Variants in PABPC4 observed in about 807,000 individuals in gnomAD.
The protein encoded by PABPC4 is poly(A) binding protein cytoplasmic 4.
Under a neutral mutation model 74.5 loss-of-function variants are expected in PABPC4, and 15 were observed. That is an observed-to-expected ratio of 0.20 (90% CI 0.13 to 0.31). The LOEUF (loss-of-function observed/expected upper bound fraction) is 0.31, where lower values mean the gene tolerates loss of function less well. Ranked by LOEUF, PABPC4 falls within the 10% of genes least tolerant of loss-of-function variation. The pLI is 1.00. For synonymous variants in PABPC4, 345 were observed against 303.0 expected (o/e 1.14, Z -1.44); for missense variants, 610 against 853.5 (o/e 0.71, Z 3.55).
intron 2 of PABPC4, chr1:39,571,743 C>T (rs1011293833): frequency 7.7e-6 from 3 of 390,230 alleles, no homozygotes; most frequent in African/African-American, 4.2e-5. Context: ...TGTGGTGGCA[C>T]GTGCCTGTAG....
chr1:39,562,519 G>A, intron 12 of PABPC4, 103 bp from the exon 13 acceptor site: 1 of 809,712 alleles, frequency 1.2e-6, no homozygotes, highest in African/African-American at 1.7e-5. Flanking sequence ...TGTGAAAGAG[G>A]AGAGGAGGTG....
At chr1:39,564,831 G>C in intron 8 of PABPC4, 58 bp from the exon 9 acceptor site, 1 of 1,324,282 alleles carries the variant, frequency 7.6e-7, no homozygotes, top group Non-Finnish European at 1.1e-6. Context: ...TCCTAGAGAA[G>C]TATCTCATCT....
intron 10 of PABPC4, chr1:39,564,192 C>T: frequency 6.3e-6 from 4 of 632,714 alleles, no homozygotes; most frequent in Non-Finnish European, 1.1e-5. Flanking sequence ...ACTTCTACAA[C>T]TAACCTTTTT....
At chr1:39,573,966 A>G (rs2124003308) in intron 1 of PABPC4, among the ~76,000 whole-genome samples, 1 of 152,308 alleles carries the variant, frequency 6.6e-6, no homozygotes, top group East Asian at 1.9e-4. Context: ...TAACGGTGAC[A>G]TCACCCAGAA....
In PABPC4 at chr1:39,575,866, T is replaced by C; in HGVS notation, c.86A>G (p.Glu29Gly). ...CACAGGCCCCGCGGGGCTGAACTTTTCGTACAGCATGGCCTCGGTGACGTC... is the reference window on the plus strand; with the variant it reads ...CACAGGCCCCGCGGGGCTGAACTTTCCGTACAGCATGGCCTCGGTGACGTC... Reference protein sequence around the residue: ...HSDVTEAMLYEKFSPAGPVLS... With the variant: ...HSDVTEAMLYGKFSPAGPVLS... The change falls in exon 1 of 16, where the codon GAA (glutamate) becomes GGA (glycine). Residue 29 changes from glutamate to glycine, a missense_variant. Physicochemically the swap from Glu to Gly is moderately conservative, Grantham distance 98. Around this residue, in one of 4 missense-constraint regions of PABPC4, gnomAD observed 304 missense variants for 478.9 expected, o/e 0.63. Coordinates refer to ENST00000372858, the MANE Select transcript of PABPC4 (RefSeq NM_001135653.2). The C allele has an allele frequency of 1.2e-6, 2 of 1,612,312 alleles. No individual in the cohort carries two copies. Among genetic ancestry groups the C allele is most frequent in the Non-Finnish European group, 1.7e-6 (2 of 1,179,520 alleles).
At chr1:39,563,592 C>A in intron 12 of PABPC4, 22 bp downstream of exon 12, 1 of 1,603,274 alleles carries the variant, frequency 6.2e-7, no homozygotes, top group Non-Finnish European at 8.5e-7. Flanking sequence ...TCCTTTTAAG[C>A]ATTCTGTCTG....
intron 14 of PABPC4, 53 bp from the exon 15 acceptor site, chr1:39,561,840 C>A (rs1645773964): frequency 7.4e-6 from 11 of 1,484,390 alleles, no homozygotes; most frequent in Non-Finnish European, 1.0e-5. Flanking sequence ...CTCCACCCCT[C>A]CCCAGTGCCC....
intron 5 of PABPC4, 166 bp downstream of exon 5, chr1:39,569,429 T>C: frequency 1.6e-6 from 1 of 620,932 alleles, no homozygotes. Flanking sequence ...AACACCTACA[T>C]GAAGTTAACA....
intron 3 of PABPC4, chr1:39,570,392 C>A (rs768852109): frequency 5.5e-5 from 10 of 181,076 alleles, no homozygotes; most frequent in Non-Finnish European, 1.0e-4. Context: ...TGAAGGGGCA[C>A]CCTTTGCTTT....
intron 1 of PABPC4, 150 bp downstream of exon 1, chr1:39,575,609 G>T: frequency 1.7e-6 from 1 of 584,412 alleles, no homozygotes; most frequent in Non-Finnish European, 2.9e-6. Context: ...CTGATGCCAG[G>T]TCCGCGTTCT....
chr1:39,576,046 C>T lies in PABPC4; in HGVS notation c.-95G>A. Reference sequence around the variant, plus strand: ...GCGCCTTCGGAGCCCGGGCCCGCGCCGCGGCTCACAGGTGGCACCGGCGCG... The same window carrying T: ...GCGCCTTCGGAGCCCGGGCCCGCGCTGCGGCTCACAGGTGGCACCGGCGCG... On this transcript the variant is annotated 5_prime_UTR_variant, in exon 1 of 16. Transcript: ENST00000372858. The T allele has an allele frequency of 2.3e-6, 2 of 887,322 alleles. No homozygotes were observed. The highest frequency in any genetic ancestry group is 2.0e-5 in the South Asian group (1 of 50,004). The allele number at this position is 887,322 out of a possible 1,614,324, so 55.0% of individuals were successfully genotyped here.
intron 9 of PABPC4, 26 bp from the exon 10 acceptor site, chr1:39,564,568 A>G (rs1244459744): frequency 6.2e-7 from 1 of 1,613,692 alleles, no homozygotes; most frequent in African/African-American, 1.3e-5. Flanking sequence ...ATTGCACATC[A>G]TTGAGAAGTG....
Position 39,568,897 on chromosome 1 carries a change from T to G in PABPC4, c.781A>C (p.Ile261Leu). The change falls in exon 6 of 16, where the codon ATA (isoleucine) becomes CTA (leucine). Residue 261 changes from isoleucine (I) to leucine (L), a missense_variant. This residue lies in a region of PABPC4 where 304 missense variants were observed against 478.9 expected (regional missense o/e 0.63). Transcript: ENST00000372858. ...MNGKEISGKI[I>L]FVGRAQKKVE... is the part of the protein sequence containing the mutation. ...TTCTTTTGTGCACGGCCTACAAATA[T>G]GATTTTACCACTTATTTCTTTTCCA... 8 of 1,614,062 alleles carry G rather than the reference T, an allele frequency of 5.0e-6. No homozygotes were observed. The highest frequency in any genetic ancestry group is 6.8e-6 in the Non-Finnish European group (8 of 1,179,952).
chr1:39,562,078 A>G lies in PABPC4; in HGVS notation c.1888T>C (p.Ser630Pro). The G allele has an allele frequency of 6.2e-7, 1 of 1,612,666 alleles. No homozygotes were observed. The highest frequency in any genetic ancestry group is 8.5e-7 in the Non-Finnish European group (1 of 1,179,910). Reference protein sequence around the residue: ...HMLESPESLRSKVDEAVAVLQ... With the variant: ...HMLESPESLRPKVDEAVAVLQ... ...GGGTCTGAGCCCCAGCTCACCTTGG[A>G]GCGGAGAGACTCGGGGGACTCTAAC... is the stretch of plus-strand genomic sequence containing the variant. Residue 630 changes from serine (S) to proline (P), a missense_variant, in exon 14 of 16, where the codon TCC becomes CCC. Coordinates refer to ENST00000372858, the MANE Select transcript of PABPC4 (RefSeq NM_001135653.2).
intron 2 of PABPC4, among the ~76,000 whole-genome samples, 196 bp downstream of exon 2, chr1:39,572,197 A>G (rs1197946840): frequency 6.6e-6 from 1 of 152,206 alleles, no homozygotes; most frequent in African/African-American, 2.4e-5. Flanking sequence ...GTAAAGAACA[A>G]GGGTATGAAA....
chr1:39,562,307 C>T lies in PABPC4; in HGVS notation c.1762+16G>A. Reference sequence around the variant, plus strand: ...CTCTGGGACCCTCTTCTTCTGCAAGCAAGTGGGTCACTCACCCAGCATCTG... The same window carrying T: ...CTCTGGGACCCTCTTCTTCTGCAAGTAAGTGGGTCACTCACCCAGCATCTG... On this transcript the variant is annotated intron_variant, in intron 13 of 15. Transcript: ENST00000372858. 1 of 1,612,268 alleles carries T rather than the reference C, an allele frequency of 6.2e-7. No individual in the cohort carries two copies. Among genetic ancestry groups the T allele is most frequent in the Non-Finnish European group, 8.5e-7 (1 of 1,178,528 alleles).
At chr1:39,568,018 G>C in intron 6 of PABPC4, 172 bp from the exon 7 acceptor site, 1 of 502,294 alleles carries the variant, frequency 2.0e-6, no homozygotes, top group Non-Finnish European at 3.6e-6. Flanking sequence ...AGCACTTTGG[G>C]AGGCCGAGGC....
At chr1:39,561,935 C>T (rs1645774787) in intron 14 of PABPC4, 138 bp downstream of exon 14, 3 of 1,173,274 alleles carry the variant, frequency 2.6e-6, no homozygotes, top group Non-Finnish European at 3.7e-6. Flanking sequence ...CCACTGCAGC[C>T]TCCAGTCACA....
intron 6 of PABPC4, 133 bp downstream of exon 6, chr1:39,568,668 AC>A: frequency 1.2e-6 from 1 of 801,374 alleles, no homozygotes; most frequent in South Asian, 1.7e-5. Context: ...ATCCTTTTAA[AC>A]CTCATCTTTT....
Sources: allele counts gnomAD v4.1 joint callset (sites outside exome capture counted in the v4.1 genomes callset), GRCh38; gene constraint gnomAD v4.1.1; regional missense constraint gnomAD v4.1.1; transcripts MANE v1.5; gene names NCBI Gene and HGNC (gene_info 2026-07-23, HGNC 2026-07-21).